Variants in ARHGEF3 observed in about 807,000 individuals in gnomAD.
The protein encoded by ARHGEF3 is 59.8 kDA protein.
In ARHGEF3, 28 loss-of-function variants were observed where a neutral mutation model predicts 63.2. The observed-to-expected ratio is 0.44, with a 90% confidence interval of 0.33 to 0.61. The LOEUF is 0.61. Ranked by LOEUF, ARHGEF3 falls within the 20% of genes least tolerant of loss-of-function variation. The pLI, the probability that ARHGEF3 is intolerant of heterozygous loss-of-function variation, is 0.03. For synonymous variants in ARHGEF3, 266 were observed against 254.2 expected (o/e 1.05, Z -0.44); for missense variants, 533 against 659.3 (o/e 0.81, Z 2.10).
At chr3:56,872,068 A>C (rs1395700018) in intron 4 of ARHGEF3, among the ~76,000 whole-genome samples, 1 of 152,236 alleles carries the variant, frequency 6.6e-6, no homozygotes, top group Non-Finnish European at 1.5e-5. Context: ...ATGCATTAAG[A>C]AGCACATGCT....
At chr3:56,826,083 C>T (rs2038704110) in intron 4 of ARHGEF3, among the ~76,000 whole-genome samples, 2 of 152,102 alleles carry the variant, frequency 1.3e-5, no homozygotes, top group South Asian at 4.1e-4. Flanking sequence ...AAGCTTGGCA[C>T]TCATTGTTTG....
chr3:56,754,435 C>T (rs1351560395), intron 3 of ARHGEF3, among the ~76,000 whole-genome samples: 1 of 152,214 alleles, frequency 6.6e-6, no homozygotes, highest in African/African-American at 2.4e-5. Context: ...CAGGTGGAGG[C>T]ACAACCCTGA....
At chr3:56,832,812 C>T (rs969660232) in intron 4 of ARHGEF3, among the ~76,000 whole-genome samples, 1 of 152,208 alleles carries the variant, frequency 6.6e-6, no homozygotes, top group African/African-American at 2.4e-5. Flanking sequence ...CTTTCTGTCT[C>T]TATGCACTTG....
At position 56,778,394 on chromosome 3, in the gene ARHGEF3, T is replaced by C. The variant is rs371823926; in HGVS notation, c.97-4578A>G. 9.4e-3 allele frequency among the ~76,000 whole-genome samples: 1,437 copies of C among 152,332 alleles called. 26 individuals are homozygous for C. Among genetic ancestry groups the C allele is most frequent in the African/African-American group, 0.032 (1,350 of 41,568 alleles). On this transcript the variant is annotated intron_variant, in intron 1 of 9. Coordinates refer to ENST00000296315, the MANE Select transcript of ARHGEF3 (RefSeq NM_019555.3). ...CTACCCCAGGGCCTGGCTAACTTTTTCTGTAAGGGGCTACCCAGCCTCTGT... is the reference window on the plus strand; with the variant it reads ...CTACCCCAGGGCCTGGCTAACTTTTCCTGTAAGGGGCTACCCAGCCTCTGT...
chr3:56,886,091 C>T (rs1467176950), intron 3 of ARHGEF3, among the ~76,000 whole-genome samples: 1 of 152,198 alleles, frequency 6.6e-6, no homozygotes, highest in East Asian at 1.9e-4. Context: ...AGATTGTGAT[C>T]TCTGTCATGA....
chr3:56,954,425 G>C (rs1699951146), intron 3 of ARHGEF3, among the ~76,000 whole-genome samples: 1 of 152,202 alleles, frequency 6.6e-6, no homozygotes, highest in Admixed American at 6.5e-5. Flanking sequence ...TGTGCAGTGA[G>C]TACCTGATGG....
intron 1 of ARHGEF3, among the ~76,000 whole-genome samples, chr3:57,042,443 G>A (rs1704224938): frequency 6.6e-6 from 1 of 151,826 alleles, no homozygotes; most frequent in Middle Eastern, 3.4e-3. Flanking sequence ...AAGCAGTGGT[G>A]GATGAGAGCC....
At chr3:57,008,627 C>T (rs143435824) in intron 2 of ARHGEF3, among the ~76,000 whole-genome samples, 1,919 of 152,210 alleles carry the variant, frequency 0.013, 42 homozygotes, top group African/African-American at 0.044. Context: ...TAGGCAATTA[C>T]ACCCAGCTAA....
In ARHGEF3 at chr3:56,728,109, G is replaced by C. The variant is rs995623885; in HGVS notation, c.*1161C>G. 6.6e-6 allele frequency: 1 copy of C among 152,652 alleles called. No individual in the cohort carries two copies. The highest frequency in any genetic ancestry group is 1.5e-5 in the Non-Finnish European group (1 of 68,050). The allele number at this position is 152,652 out of a possible 1,614,324, so 9.5% of individuals were successfully genotyped here. ...GCACTGTAAATCAAGGCTGGACAAA[G>C]AGGTTACTAATCTGGCTAGCTGATT... On this transcript the variant is annotated 3_prime_UTR_variant, in exon 10 of 10. Transcript: ENST00000296315.
intron 4 of ARHGEF3, among the ~76,000 whole-genome samples, chr3:56,812,632 C>A (rs962049980): frequency 6.6e-6 from 1 of 152,182 alleles, no homozygotes; most frequent in Non-Finnish European, 1.5e-5. Context: ...CCATTTGTAT[C>A]AAAACTCTGT....
intron 2 of ARHGEF3, among the ~76,000 whole-genome samples, chr3:56,977,050 G>C (rs1027506515): frequency 6.6e-6 from 1 of 151,920 alleles, no homozygotes; most frequent in African/African-American, 2.4e-5. Flanking sequence ...TCCTCACAGG[G>C]GCCCTGTGGA....
chr3:56,879,292 A>C (rs61602812), intron 4 of ARHGEF3, among the ~76,000 whole-genome samples: 5 of 152,186 alleles, frequency 3.3e-5, no homozygotes, highest in African/African-American at 9.7e-5. Context: ...GACCACTGCT[A>C]TAGGGCACTT....
chr3:56,737,220 A>C lies in ARHGEF3; in HGVS notation c.1006T>G (p.Cys336Gly). The C allele has an allele frequency of 6.2e-7, 1 of 1,614,134 alleles. No homozygotes were observed. The highest frequency in any genetic ancestry group is 1.1e-5 in the South Asian group (1 of 91,084). ...DSLIDSSRVLCCHGELKNNRG... is the reference protein window; with the variant it reads ...DSLIDSSRVLGCHGELKNNRG... ...TTGTTCTTCAGTTCACCATGACAACACAAGACTCGAGAGCTGTCGATCAGG... is the reference window on the plus strand; with the variant it reads ...TTGTTCTTCAGTTCACCATGACAACCCAAGACTCGAGAGCTGTCGATCAGG... The change falls in exon 8 of 10, where the codon TGT (cysteine) becomes GGT (glycine). Residue 336 changes from cysteine (C) to glycine (G), a missense_variant. Physicochemically the swap from Cys to Gly is radical, Grantham distance 159. Around this residue, in one of 4 missense-constraint regions of ARHGEF3, gnomAD observed 151 missense variants for 190.7 expected, o/e 0.79. Transcript: ENST00000296315.
At chr3:57,019,212 AG>A (rs1703144966) in intron 2 of ARHGEF3, among the ~76,000 whole-genome samples, 1 of 152,226 alleles carries the variant, frequency 6.6e-6, no homozygotes, top group African/African-American at 2.4e-5. Context: ...CAAGAGAGCA[AG>A]GGGGACTTCC....
intron 8 of ARHGEF3, among the ~76,000 whole-genome samples, 167 bp downstream of exon 8, chr3:56,737,018 C>T (rs1198373852): frequency 2.0e-5 from 3 of 152,068 alleles, no homozygotes; most frequent in South Asian, 2.1e-4. Context: ...TTGCTTGAAC[C>T]GGGAAGGCAG....
intron 3 of ARHGEF3, among the ~76,000 whole-genome samples, chr3:56,901,180 T>C (rs1323710901): frequency 1.3e-5 from 2 of 152,146 alleles, no homozygotes; most frequent in Admixed American, 6.6e-5. Flanking sequence ...CATAGACCAG[T>C]GCATGGCAAA....
intron 2 of ARHGEF3, among the ~76,000 whole-genome samples, chr3:56,992,024 C>CTCTCTCTCTCTGTGTGTG (rs1239113895): frequency 7.6e-6 from 1 of 131,636 alleles, no homozygotes; most frequent in African/African-American, 2.9e-5. Flanking sequence ...CCTCCTCTCT[C>CTCTCTCTCTCTGTGTGTG]TGTGTGTGTG....
At chr3:56,934,231 T>C (rs535410328) in intron 3 of ARHGEF3, among the ~76,000 whole-genome samples, 8 of 152,366 alleles carry the variant, frequency 5.3e-5, no homozygotes, top group African/African-American at 1.7e-4. Context: ...TGAGTGAATA[T>C]AGCATAATAG....
At chr3:56,848,774 T>A (rs2039574056) in intron 4 of ARHGEF3, among the ~76,000 whole-genome samples, 1 of 152,120 alleles carries the variant, frequency 6.6e-6, no homozygotes, top group Admixed American at 6.5e-5. Flanking sequence ...TCCAAGCAAT[T>A]CTCCTGCCTC....
Sources: allele counts gnomAD v4.1 joint callset (sites outside exome capture counted in the v4.1 genomes callset), GRCh38; gene constraint gnomAD v4.1.1; regional missense constraint gnomAD v4.1.1; transcripts MANE v1.5; gene names NCBI Gene and HGNC (gene_info 2026-07-23, HGNC 2026-07-21).